The following NFATC3 variants were observed in gnomAD, a reference collection of about 807,000 sequenced individuals.
NFATC3 encodes the protein nuclear factor of activated T-cells, cytoplasmic 3.
NFATC3 carries 46 observed loss-of-function variants against 98.6 expected under a neutral mutation model. The ratio of observed to expected loss-of-function variants is 0.47; its 90% confidence interval spans 0.37 to 0.60. The LOEUF is 0.60. Among genes scored for constraint, NFATC3 ranks in the 20% least tolerant of loss-of-function variants. NFATC3 has a pLI of 0.00. For missense variants in NFATC3, 1,256 were observed against 1,295.5 expected, an observed-to-expected ratio of 0.97 and a Z score of 0.47; for synonymous variants, 512 against 472.2, an observed-to-expected ratio of 1.08 and a Z score of -1.09.
chr16:68,146,439 C>T (rs901339096), intron 3 of NFATC3, among the ~76,000 whole-genome samples: 1 of 151,386 alleles, frequency 6.6e-6, no homozygotes, highest in African/African-American at 2.4e-5. Context: ...TTTTAAAAAG[C>T]TTATATATTA....
intron 5 of NFATC3, among the ~76,000 whole-genome samples, chr16:68,173,608 T>A (rs2039563699): frequency 6.6e-6 from 1 of 152,120 alleles, no homozygotes; most frequent in Non-Finnish European, 1.5e-5. Context: ...AAGAAAGGCT[T>A]ACTTGGTGTT....
intron 9 of NFATC3, 134 bp from the exon 10 acceptor site, chr16:68,226,216 C>T (rs2042033636): frequency 2.0e-6 from 2 of 1,022,720 alleles, no homozygotes; most frequent in South Asian, 1.9e-5. Flanking sequence ...AGCTCAGGAG[C>T]AGGCTTCAGA....
chr16:68,188,066 G>A (rs958153638), intron 8 of NFATC3, among the ~76,000 whole-genome samples: 33 of 152,134 alleles, frequency 2.2e-4, no homozygotes, highest in Non-Finnish European at 2.2e-4. Flanking sequence ...GGGCTGAGGC[G>A]GCAGGGGTCT....
At position 68,204,314 on chromosome 16, in the gene NFATC3, A is replaced by T. The variant is rs569443885; in HGVS notation, c.3106+12539A>T. Among the ~76,000 whole-genome samples, 4 of 152,354 alleles carry T rather than the reference A, an allele frequency of 2.6e-5. 1 individual carries two copies. In the East Asian group the frequency reaches 7.7e-4, roughly 29 times the overall value. On this transcript the variant is annotated intron_variant, in intron 9 of 9. Transcript: ENST00000346183. ...GAGACAGAGGTTGCAGTGAGCTGAG[A>T]TCAGGCCACTGCACTCCAGCCTGGG...
At chr16:68,157,530 A>G (rs1050994736) in intron 3 of NFATC3, among the ~76,000 whole-genome samples, 2 of 152,166 alleles carry the variant, frequency 1.3e-5, no homozygotes, top group African/African-American at 4.8e-5. Context: ...TCTGGTCTGA[A>G]TGGTTAATGT....
intron 5 of NFATC3, among the ~76,000 whole-genome samples, chr16:68,168,478 T>G (rs1490759139): frequency 2.1e-5 from 3 of 142,604 alleles, no homozygotes; most frequent in African/African-American, 5.5e-5. Context: ...TCTTTTATTA[T>G]TATTATTATT....
intron 3 of NFATC3, among the ~76,000 whole-genome samples, chr16:68,144,739 C>T (rs2037945992): frequency 6.6e-6 from 1 of 152,142 alleles, no homozygotes; most frequent in Admixed American, 6.6e-5. Flanking sequence ...CTCACTGCCA[C>T]CTCCGCCTCC....
rs770120741 is a variant in NFATC3 at position 68,174,489 on chromosome 16, A to G, written c.1890A>G (p.Lys630=). 1.2e-5 allele frequency: 20 copies of G among 1,601,840 alleles called. No individual in the cohort carries two copies. The Admixed American group carries it at 3.5e-4, about 28-fold the overall frequency. The stretch of plus-strand genomic sequence containing the variant: ...GATCTAATTTTCTTCCAGAATCCAA[A>G]ATCATTTTTCTTGAAAAAGGACAAG... ...VTGSNFLPES[K]IIFLEKGQDG... Residue 630 remains lysine (K), a synonymous_variant, in exon 6 of 10, where the codon AAA becomes AAG. Transcript: ENST00000346183.
chr16:68,205,499 G>A (rs932042262), intron 9 of NFATC3, among the ~76,000 whole-genome samples: 1 of 152,032 alleles, frequency 6.6e-6, no homozygotes, highest in Non-Finnish European at 1.5e-5. Flanking sequence ...GATTACAGGC[G>A]TGAGCCACCA....
chr16:68,169,039 C>T (rs2039343556), intron 5 of NFATC3, among the ~76,000 whole-genome samples: 1 of 152,156 alleles, frequency 6.6e-6, no homozygotes, highest in South Asian at 2.1e-4. Flanking sequence ...CCCATCTCAG[C>T]CTCCCAAAGT....
intron 3 of NFATC3, among the ~76,000 whole-genome samples, chr16:68,130,599 G>A (rs7186344): frequency 0.047 from 7,096 of 151,984 alleles, 524 homozygotes; most frequent in African/African-American, 0.16. Context: ...CCCATTCTAC[G>A]GGTTGTCTCC....
At chr16:68,172,541 T>C (rs2039512879) in intron 5 of NFATC3, among the ~76,000 whole-genome samples, 1 of 152,092 alleles carries the variant, frequency 6.6e-6, no homozygotes, top group Non-Finnish European at 1.5e-5. Flanking sequence ...GCAGGAGTAC[T>C]GCTTATGTCC....
intron 6 of NFATC3, among the ~76,000 whole-genome samples, chr16:68,179,636 T>C (rs946468046): frequency 3.9e-5 from 6 of 152,222 alleles, no homozygotes; most frequent in African/African-American, 1.2e-4. Flanking sequence ...TTTGGAATAA[T>C]TGTACATCAG....
At chr16:68,169,450 C>G (rs953859256) in intron 5 of NFATC3, among the ~76,000 whole-genome samples, 8 of 151,706 alleles carry the variant, frequency 5.3e-5, no homozygotes, top group South Asian at 2.1e-4. Flanking sequence ...TGCATTTTTC[C>G]CCATGTTGCC....
chr16:68,163,232 C>T (rs1050536897), intron 4 of NFATC3, among the ~76,000 whole-genome samples: 6 of 151,980 alleles, frequency 3.9e-5, no homozygotes, highest in African/African-American at 1.2e-4. Context: ...CATCATGGCC[C>T]GTTCTCAATG....
At chr16:68,188,296 T>C (rs1248264628) in intron 8 of NFATC3, among the ~76,000 whole-genome samples, 2 of 152,090 alleles carry the variant, frequency 1.3e-5, no homozygotes, top group African/African-American at 2.4e-5. Context: ...TGAGTGGCTG[T>C]AGCTGCACCC....
intron 9 of NFATC3, chr16:68,192,325 A>G (rs1226987720): frequency 3.5e-5 from 5 of 141,106 alleles, no homozygotes; most frequent in South Asian, 2.2e-4. Context: ...ATGTGTATAT[A>G]TATATATAGA....
chr16:68,127,687 C>CAA (rs201633690), intron 3 of NFATC3, among the ~76,000 whole-genome samples: 84 of 85,724 alleles, frequency 9.8e-4, no homozygotes, highest in South Asian at 2.4e-3. Flanking sequence ...GACCCTGTCT[C>CAA]AAAAAAAAAA....
At chr16:68,142,679 A>G (rs2037819226) in intron 3 of NFATC3, among the ~76,000 whole-genome samples, 1 of 151,850 alleles carries the variant, frequency 6.6e-6, no homozygotes, top group Non-Finnish European at 1.5e-5. Flanking sequence ...ACTCATTTGA[A>G]CCTGGAAGCC....
Sources: allele counts gnomAD v4.1 joint callset (sites outside exome capture counted in the v4.1 genomes callset), GRCh38; gene constraint gnomAD v4.1.1; transcripts MANE v1.5; gene names NCBI Gene and HGNC (gene_info 2026-07-23, HGNC 2026-07-21).